LUZP2: variants seen among roughly 807,000 people sequenced by gnomAD.
LUZP2 encodes the protein leucine zipper protein 2.
A neutral mutation model predicts 51.6 loss-of-function variants in LUZP2; 52 were observed. The observed-to-expected ratio is 1.01, with a 90% CI of 0.81 to 1.27. The LOEUF is 1.27. LUZP2 is among the 50% of genes most tolerant of loss of function. LUZP2 has a pLI of 0.00. For missense variants in LUZP2, 436 were observed against 395.4 expected (o/e 1.10, Z -0.87); for synonymous variants, 154 against 137.3 (o/e 1.12, Z -0.85).
intron 5 of LUZP2, among the ~76,000 whole-genome samples, chr11:24,776,212 C>T (rs1016862543): frequency 2.0e-5 from 3 of 152,170 alleles, no homozygotes; most frequent in African/African-American, 7.2e-5. Flanking sequence ...TTTCTTTCCA[C>T]ATGTCAGACA....
At chr11:24,511,025 T>C (rs968599073) in intron 1 of LUZP2, among the ~76,000 whole-genome samples, 1 of 152,170 alleles carries the variant, frequency 6.6e-6, no homozygotes, top group African/African-American at 2.4e-5. Context: ...CCCCATTTGC[T>C]AGTCTTAGTA....
intron 5 of LUZP2, among the ~76,000 whole-genome samples, chr11:24,876,097 CT>C (rs1164961883): frequency 6.6e-6 from 1 of 151,654 alleles, no homozygotes; most frequent in Non-Finnish European, 1.5e-5. Context: ...TGCAGAAGCT[CT>C]TGAGTTTAAT....
At chr11:24,857,354 T>C (rs1449778564) in intron 5 of LUZP2, among the ~76,000 whole-genome samples, 3 of 149,306 alleles carry the variant, frequency 2.0e-5, no homozygotes, top group Non-Finnish European at 4.4e-5. Flanking sequence ...ATATATGTTT[T>C]TCACAAAATT....
chr11:24,999,496 AGAAGG>A (rs1856613464), intron 9 of LUZP2, among the ~76,000 whole-genome samples: 1 of 151,212 alleles, frequency 6.6e-6, no homozygotes, highest in African/African-American at 2.4e-5. Flanking sequence ...AGAGAGAAAG[AGAAGG>A]AGAAGAAGAG....
intron 5 of LUZP2, among the ~76,000 whole-genome samples, chr11:24,816,294 C>A (rs1850181688): frequency 6.6e-6 from 1 of 151,320 alleles, no homozygotes; most frequent in African/African-American, 2.4e-5. Context: ...TTTTTTTCAG[C>A]TTTAATATTC....
intron 3 of LUZP2, among the ~76,000 whole-genome samples, chr11:24,732,435 TAAC>T (rs1476958988): frequency 6.6e-6 from 1 of 151,712 alleles, no homozygotes; most frequent in African/African-American, 2.4e-5. Context: ...TGTCTGCAAA[TAAC>T]AATTTGAATG....
At chr11:24,549,737 T>C (rs1480228388) in intron 1 of LUZP2, among the ~76,000 whole-genome samples, 1 of 152,072 alleles carries the variant, frequency 6.6e-6, no homozygotes, top group African/African-American at 2.4e-5. Context: ...CATCTTTTAT[T>C]GGCTAAAATG....
At chr11:24,678,142 T>G (rs866695835) in intron 1 of LUZP2, among the ~76,000 whole-genome samples, 2 of 152,080 alleles carry the variant, frequency 1.3e-5, no homozygotes, top group African/African-American at 4.8e-5. Context: ...TTTTTTTATT[T>G]GACCATTGCT....
intron 5 of LUZP2, among the ~76,000 whole-genome samples, chr11:24,905,290 C>A (rs1853411236): frequency 6.6e-6 from 1 of 152,094 alleles, no homozygotes; most frequent in Admixed American, 6.5e-5. Context: ...CTTTGTGAGG[C>A]CGAGGCAGGC....
intron 9 of LUZP2, among the ~76,000 whole-genome samples, chr11:25,007,639 A>G (rs906297403): frequency 6.6e-6 from 1 of 151,674 alleles, no homozygotes; most frequent in African/African-American, 2.4e-5. Flanking sequence ...ACAAAACAAC[A>G]CTATTAAATG....
intron 5 of LUZP2, among the ~76,000 whole-genome samples, chr11:24,897,198 C>T (rs534940729): frequency 9.2e-5 from 14 of 152,112 alleles, no homozygotes; most frequent in Admixed American, 2.6e-4. Context: ...TCTGTCAAAA[C>T]GGACCAATCA....
At chr11:24,861,415 A>C (rs1851737699) in intron 5 of LUZP2, among the ~76,000 whole-genome samples, 1 of 152,202 alleles carries the variant, frequency 6.6e-6, no homozygotes, top group South Asian at 2.1e-4. Context: ...GAATGCAAAC[A>C]AGCTAGGAAA....
intron 1 of LUZP2, among the ~76,000 whole-genome samples, chr11:24,625,892 C>G (rs1271104216): frequency 6.7e-6 from 1 of 149,612 alleles, no homozygotes; most frequent in Non-Finnish European, 1.5e-5. Flanking sequence ...AGGAGTACAG[C>G]ATGTTTCCAG....
At chr11:24,614,037 C>G (rs2133892068) in intron 1 of LUZP2, among the ~76,000 whole-genome samples, 2 of 152,058 alleles carry the variant, frequency 1.3e-5, no homozygotes, top group Middle Eastern at 3.4e-3. Context: ...TCTCTTGCTA[C>G]TCTAAACTCA....
chr11:24,739,005 A>G (rs78488598), intron 4 of LUZP2, among the ~76,000 whole-genome samples: 1,567 of 152,192 alleles, frequency 0.01, 29 homozygotes, highest in African/African-American at 0.036. Flanking sequence ...CTGTTTTAAA[A>G]TATAGTGTGT....
rs147302668 is a variant in LUZP2, at chr11:24,885,931, G to A, written c.397-20060G>A. Reference sequence around the variant, plus strand: ...TGAGATAACTTCAACAAATATTTGAGCAGCTGTAAAACTTTTGTTACATCT... The same window carrying A: ...TGAGATAACTTCAACAAATATTTGAACAGCTGTAAAACTTTTGTTACATCT... On this transcript the variant is annotated intron_variant, in intron 5 of 11. Transcript: ENST00000336930. Among the ~76,000 whole-genome samples, 646 of 152,218 alleles carry A rather than the reference G, an allele frequency of 4.2e-3. 7 individuals carry two copies. The highest frequency in any genetic ancestry group is 0.015 in the African/African-American group (614 of 41,536).
At chr11:25,030,587 T>C (rs1289238386) in intron 9 of LUZP2, among the ~76,000 whole-genome samples, 1 of 151,768 alleles carries the variant, frequency 6.6e-6, no homozygotes, top group Non-Finnish European at 1.5e-5. Context: ...TCACCAATAC[T>C]TGTTACTTTA....
At chr11:24,864,584 G>A (rs1340841592) in intron 5 of LUZP2, among the ~76,000 whole-genome samples, 2 of 152,200 alleles carry the variant, frequency 1.3e-5, no homozygotes, top group African/African-American at 4.8e-5. Flanking sequence ...CAGACAGGCT[G>A]TGTCCGCATG....
chr11:24,717,573 A>G (rs926668216), intron 1 of LUZP2, among the ~76,000 whole-genome samples: 5 of 129,854 alleles, frequency 3.9e-5, no homozygotes, highest in Admixed American at 2.2e-4. Context: ...ACGCCCGGCT[A>G]ATTTTTTGTA....
Sources: gnomAD v4.1 joint callset for allele counts (sites outside exome capture counted in the v4.1 genomes callset) on GRCh38, gnomAD v4.1.1 for gene constraint, MANE v1.5 for transcripts, NCBI Gene and HGNC (gene_info 2026-07-23, HGNC 2026-07-21) for gene names.